G3BP2: variants seen among roughly 807,000 people sequenced by gnomAD.
The protein encoded by G3BP2 is G3BP stress granule assembly factor 2, also known as ras GTPase-activating protein-binding protein 2.
Under a neutral mutation model 56.7 loss-of-function variants are expected in G3BP2, and 11 were observed. The ratio of observed to expected loss-of-function variants is 0.19; its 90% CI spans 0.12 to 0.32. The LOEUF (loss-of-function observed/expected upper bound fraction) is 0.32, where lower values mean the gene tolerates loss of function less well. G3BP2 is among the 10% of genes least tolerant of loss of function. G3BP2 has a pLI of 1.00. For missense variants in G3BP2, 340 were observed against 610.9 expected (o/e 0.56, Z 4.67); for synonymous variants, 165 against 191.6 (o/e 0.86, Z 1.15).
At chr4:75,663,671 C>CCAA (rs1732747787) in intron 1 of G3BP2, among the ~76,000 whole-genome samples, 2 of 151,770 alleles carry the variant, frequency 1.3e-5, no homozygotes, top group Non-Finnish European at 2.9e-5. Flanking sequence ...ACCAGCCTGG[C>CCAA]CAAGATGGTG....
At chr4:75,698,482 T>G (rs1227509135) in intron 3 of G3BP2, among the ~76,000 whole-genome samples, 1 of 152,116 alleles carries the variant, frequency 6.6e-6, no homozygotes, top group East Asian at 1.9e-4. Flanking sequence ...CCACTTTAAA[T>G]TCTTGCCTAC....
In G3BP2 at chr4:75,643,252, G is replaced by C. The variant is rs1445342273; in HGVS notation, c.*2178C>G. The C allele has an allele frequency of 2.1e-5, 3 of 141,444 alleles. No individual in the cohort carries two copies. Among genetic ancestry groups the C allele is most frequent in the African/African-American group, 8.1e-5 (3 of 37,070 alleles). 8.8% of individuals were successfully genotyped at this position (141,444 alleles called of 1,614,324 possible). ...ACATTTGTCATTACTTTTGGTGCCA[G>C]AACAGTTTTCATGGATGGCAGGGCA... On this transcript the variant is annotated 3_prime_UTR_variant, in exon 12 of 12. Transcript: ENST00000359707.
intron 3 of G3BP2, among the ~76,000 whole-genome samples, chr4:75,719,209 T>A (rs10019073): frequency 6.6e-6 from 1 of 150,560 alleles, no homozygotes; most frequent in East Asian, 2.0e-4. Flanking sequence ...TTAGCCGGGC[T>A]TAGTGGCGGG....
At chr4:75,680,182 C>T (rs967715144) in intron 3 of G3BP2, among the ~76,000 whole-genome samples, 4 of 152,142 alleles carry the variant, frequency 2.6e-5, no homozygotes, top group East Asian at 1.9e-4. Flanking sequence ...TGGCATATCC[C>T]TTTGTGAAAT....
chr4:75,704,727 G>A (rs1390805738), intron 3 of G3BP2, among the ~76,000 whole-genome samples: 2 of 152,034 alleles, frequency 1.3e-5, no homozygotes, highest in African/African-American at 4.8e-5. Context: ...CCACCTCCTG[G>A]GTTCAAGCGA....
At chr4:75,714,457 T>C (rs889799106) in intron 3 of G3BP2, among the ~76,000 whole-genome samples, 13 of 152,094 alleles carry the variant, frequency 8.5e-5, no homozygotes, top group Non-Finnish European at 1.5e-4. Context: ...CGAAACCCCA[T>C]CTCTACTAAA....
intron 3 of G3BP2, among the ~76,000 whole-genome samples, chr4:75,686,400 A>G (rs930764539): frequency 2.0e-5 from 3 of 152,118 alleles, no homozygotes; most frequent in Admixed American, 1.3e-4. Context: ...AACAGAGGAA[A>G]TGGGGAAATA....
chr4:75,663,811 A>G (rs936039773), intron 1 of G3BP2, among the ~76,000 whole-genome samples: 4 of 152,272 alleles, frequency 2.6e-5, no homozygotes, highest in African/African-American at 9.6e-5. Context: ...GTGAACCAAG[A>G]TCGCGCCAGT....
chr4:75,666,221 GA>G (rs1031476090), intron 1 of G3BP2, among the ~76,000 whole-genome samples: 45 of 152,278 alleles, frequency 3.0e-4, no homozygotes, highest in African/African-American at 1.0e-3. Flanking sequence ...TTAGAACAGA[GA>G]GACAGGGAAG....
intron 3 of G3BP2, among the ~76,000 whole-genome samples, chr4:75,698,725 A>G (rs1488232950): frequency 6.6e-6 from 1 of 152,122 alleles, no homozygotes; most frequent in Non-Finnish European, 1.5e-5. Flanking sequence ...TTCATCTGAT[A>G]CAGGGTTTCA....
chr4:75,706,632 G>A (rs1014015544), intron 3 of G3BP2, among the ~76,000 whole-genome samples: 7 of 148,762 alleles, frequency 4.7e-5, no homozygotes, highest in South Asian at 2.1e-4. Flanking sequence ...AGCCGAGATC[G>A]TGCCATTGCA....
At chr4:75,671,072 T>C (rs1205575359) in intron 1 of G3BP2, among the ~76,000 whole-genome samples, 1 of 152,126 alleles carries the variant, frequency 6.6e-6, no homozygotes, top group Non-Finnish European at 1.5e-5. Context: ...AGAAACTAAT[T>C]CTATTGCTTC....
intron 10 of G3BP2, 89 bp downstream of exon 10, chr4:75,646,940 T>TA (rs1375661889): frequency 6.5e-5 from 50 of 768,716 alleles, no homozygotes; most frequent in Middle Eastern, 3.5e-4. Context: ...GAGAAACATT[T>TA]AAAAAAAATA....
chr4:75,656,331 A>T (rs1321103959), intron 5 of G3BP2, among the ~76,000 whole-genome samples: 2 of 151,930 alleles, frequency 1.3e-5, no homozygotes, highest in African/African-American at 2.4e-5. Context: ...ATTCAACTAC[A>T]ATATCCCCTG....
At chr4:75,651,502 T>C (rs567258900) in intron 8 of G3BP2, among the ~76,000 whole-genome samples, 50 of 152,218 alleles carry the variant, frequency 3.3e-4, no homozygotes, top group Non-Finnish European at 5.3e-4. Context: ...TGACTTTAAG[T>C]AGATATCTGA....
intron 1 of G3BP2, among the ~76,000 whole-genome samples, chr4:75,664,338 A>T (rs1732819996): frequency 6.6e-6 from 1 of 152,064 alleles, no homozygotes; most frequent in Non-Finnish European, 1.5e-5. Flanking sequence ...GCACTTCAGG[A>T]GGCCAAGGTG....
At chr4:75,687,221 T>C (rs1469928244) in intron 3 of G3BP2, among the ~76,000 whole-genome samples, 1 of 152,128 alleles carries the variant, frequency 6.6e-6, no homozygotes, top group Non-Finnish European at 1.5e-5. Flanking sequence ...AGCTGGGAGA[T>C]AACTGAATCA....
intron 2 of G3BP2, chr4:75,661,437 G>T (rs1179234285): frequency 6.7e-6 from 1 of 149,708 alleles, no homozygotes; most frequent in Non-Finnish European, 1.5e-5. Context: ...CCAGCCTCAT[G>T]TAAACCTTAT....
chr4:75,715,554 CAAG>C (rs766706054), intron 3 of G3BP2, among the ~76,000 whole-genome samples: 3 of 152,112 alleles, frequency 2.0e-5, no homozygotes, highest in Non-Finnish European at 2.9e-5. Context: ...TGTTAGACCA[CAAG>C]AAGGACCATC....
Sources: gnomAD v4.1 joint callset for allele counts (sites outside exome capture counted in the v4.1 genomes callset) on GRCh38, gnomAD v4.1.1 for gene constraint, MANE v1.5 for transcripts, NCBI Gene and HGNC (gene_info 2026-07-23, HGNC 2026-07-21) for gene names.